ZDHHC11: variants seen among roughly 807,000 people sequenced by gnomAD.
ZDHHC11 encodes palmitoyltransferase ZDHHC11.
ZDHHC11 carries 44 observed loss-of-function variants against 51.3 expected under a neutral mutation model. The observed-to-expected ratio is 0.86, with a 90% confidence interval of 0.67 to 1.10. ZDHHC11 has a LOEUF of 1.10. ZDHHC11 is among the 50% of genes least tolerant of loss of function. The probability of loss-of-function intolerance (pLI) is 0.00; values close to 1 mark genes in which losing one functional copy is unlikely to be tolerated. For synonymous variants in ZDHHC11, 163 were observed against 222.0 expected (o/e 0.73, Z 2.36); for missense variants, 400 against 537.7 (o/e 0.74, Z 2.53).
At position 827,959 on chromosome 5, in the gene ZDHHC11, T is replaced by G. The variant is rs1390882017; in HGVS notation, c.936-2708A>C. 4.0e-5 allele frequency among the ~76,000 whole-genome samples: 6 copies of G among 151,108 alleles called. 1 individual carries two copies. The highest frequency in any genetic ancestry group is 1.5e-4 in the African/African-American group (6 of 40,946). On this transcript the variant is annotated intron_variant, in intron 7 of 12. Transcript: ENST00000283441. ...GATGACTCTTAATGAGCATGCTGCC[T>G]TCAAGCATCTGTTTAACAAAGCACA...
chr5:820,589 G>C (rs1741439248), intron 9 of ZDHHC11, among the ~76,000 whole-genome samples: 1 of 151,238 alleles, frequency 6.6e-6, no homozygotes, highest in African/African-American at 2.4e-5. Context: ...GGGGAAGGGG[G>C]GCTGCACTCC....
chr5:835,694 T>C lies in ZDHHC11; in HGVS notation c.900+1671A>G, dbSNP rs548181947. Among the ~76,000 whole-genome samples, 857 of 152,058 alleles carry C rather than the reference T, an allele frequency of 5.6e-3. 9 individuals carry two copies. The highest frequency in any genetic ancestry group is 0.019 in the African/African-American group (775 of 41,488). ...ATCTGTAGATAAGTTTTGGGGAAAA[T>C]TGCCCTTTTAATAGTATTTTTTTCC... On this transcript the variant is annotated intron_variant, in intron 6 of 12. Transcript: ENST00000283441.
upstream of ZDHHC11, among the ~76,000 whole-genome samples, chr5:852,902 C>A (rs1024806131): frequency 4.5e-5 from 5 of 110,406 alleles, no homozygotes; most frequent in African/African-American, 1.8e-4. Context: ...CAGTGAGCAG[C>A]GGGGACAGAC....
intron 5 of ZDHHC11, chr5:839,857 C>A (rs1484087134): frequency 3.5e-6 from 1 of 289,262 alleles, no homozygotes; most frequent in African/African-American, 2.3e-5. Flanking sequence ...GGGGCCACCA[C>A]TGCCCAGAGA....
chr5:797,280 T>C (rs1382947407), intron 12 of ZDHHC11, among the ~76,000 whole-genome samples: 2 of 151,634 alleles, frequency 1.3e-5, no homozygotes, highest in Non-Finnish European at 2.9e-5. Context: ...TTATGTTGTG[T>C]CTAGAATTTT....
chr5:815,799 T>A (rs1038110998), intron 10 of ZDHHC11, among the ~76,000 whole-genome samples: 8 of 151,546 alleles, frequency 5.3e-5, no homozygotes, highest in African/African-American at 1.9e-4. Context: ...TTAATTTTTT[T>A]AAAGATAGGT....
chr5:827,963 A>T (rs1453303575), intron 7 of ZDHHC11, among the ~76,000 whole-genome samples: 1 of 151,158 alleles, frequency 6.6e-6, no homozygotes, highest in African/African-American at 2.4e-5. Flanking sequence ...GCTGCCTTCA[A>T]GCATCTGTTT....
At chr5:818,563 A>T (rs190754439) in intron 10 of ZDHHC11, among the ~76,000 whole-genome samples, 1 of 151,730 alleles carries the variant, frequency 6.6e-6, no homozygotes, top group East Asian at 1.9e-4. Context: ...GCCTTCTCAG[A>T]TGGATTCCCC....
At chr5:859,586 G>A (rs1334452570), upstream of ZDHHC11, among the ~76,000 whole-genome samples, 2 of 152,196 alleles carry the variant, frequency 1.3e-5, no homozygotes, top group African/African-American at 4.8e-5. Context: ...TTTGGCCACC[G>A]TGGCTCTCAC....
chr5:804,854 T>A (rs1222204507), intron 11 of ZDHHC11, among the ~76,000 whole-genome samples: 1 of 151,200 alleles, frequency 6.6e-6, no homozygotes, highest in Non-Finnish European at 1.5e-5. Context: ...AAAGAAATAT[T>A]AAATAAATTA....
intron 11 of ZDHHC11, among the ~76,000 whole-genome samples, chr5:802,424 T>A (rs1463178992): frequency 1.1e-4 from 17 of 151,240 alleles, no homozygotes; most frequent in Admixed American, 1.1e-3. Context: ...CATGACAAAG[T>A]ATGATAGGTG....
chr5:825,528 C>G (rs1458672370), intron 7 of ZDHHC11, among the ~76,000 whole-genome samples: 2 of 152,144 alleles, frequency 1.3e-5, no homozygotes, highest in East Asian at 1.9e-4. Context: ...CTGCCCTACA[C>G]CAGTGCCTAA....
At chr5:823,334 G>C (rs10061185) in intron 8 of ZDHHC11, 8,324 of 150,304 alleles carry the variant, frequency 0.055, 412 homozygotes, top group African/African-American at 0.19. Flanking sequence ...ATGTGGTTAT[G>C]CAGCTGCTGC....
At chr5:836,972 G>C (rs975593959) in intron 6 of ZDHHC11, among the ~76,000 whole-genome samples, 6 of 151,300 alleles carry the variant, frequency 4.0e-5, no homozygotes, top group Admixed American at 3.9e-4. Context: ...TAGGCAAACT[G>C]TTTGAACCCA....
At chr5:821,233 T>C (rs2150335048) in intron 9 of ZDHHC11, 1 of 151,552 alleles carries the variant, frequency 6.6e-6, no homozygotes, top group East Asian at 1.9e-4. Flanking sequence ...CTCTCCATGA[T>C]GACAGAGATG....
chr5:824,154 C>A (rs1312203524), intron 8 of ZDHHC11: 16 of 448,628 alleles, frequency 3.6e-5, no homozygotes, highest in African/African-American at 2.8e-4. Flanking sequence ...CATGACAAAA[C>A]CTGCTCAAAA....
At chr5:834,846 GT>G (rs1743608866) in intron 6 of ZDHHC11, among the ~76,000 whole-genome samples, 1 of 151,672 alleles carries the variant, frequency 6.6e-6, no homozygotes. Flanking sequence ...TGTTGCACAC[GT>G]CATGTAAACG....
At chr5:811,640 T>C (rs556691946) in intron 11 of ZDHHC11, among the ~76,000 whole-genome samples, 41 of 149,008 alleles carry the variant, frequency 2.8e-4, no homozygotes, top group South Asian at 2.7e-3. Context: ...TCTGGGTCCT[T>C]ATTGTGGCTC....
chr5:840,218 C>G, intron 5 of ZDHHC11: 2 of 703,564 alleles, frequency 2.8e-6, no homozygotes, highest in Non-Finnish European at 5.2e-6. Context: ...ACTTCAAGCA[C>G]CTGGCACCAC....
Sources: gnomAD v4.1 joint callset for allele counts (sites outside exome capture counted in the v4.1 genomes callset) on GRCh38, gnomAD v4.1.1 for gene constraint, MANE v1.5 for transcripts, NCBI Gene and HGNC (gene_info 2026-07-23, HGNC 2026-07-21) for gene names.